Variants in DNAH11 observed in about 807,000 individuals in gnomAD.
The protein encoded by DNAH11 is dynein axonemal heavy chain 11.
A neutral mutation model predicts 526.0 loss-of-function variants in DNAH11; 442 were observed. The observed-to-expected ratio is 0.84, with a 90% confidence interval of 0.78 to 0.91. The LOEUF (loss-of-function observed/expected upper bound fraction) is 0.91, where lower values mean the gene tolerates loss of function less well. Among genes scored for constraint, DNAH11 ranks in the 40% least tolerant of loss-of-function variants. The probability of loss-of-function intolerance (pLI) is 0.00; values close to 1 mark genes in which losing one functional copy is unlikely to be tolerated. For synonymous variants in DNAH11, 2,461 were observed against 1,935.9 expected (o/e 1.27, Z -7.12); for missense variants, 6,989 against 5,448.7 (o/e 1.28, Z -8.90).
Position 21,818,308 on chromosome 7 carries a change from C to G in DNAH11, c.10660C>G (p.Leu3554Val). The G allele has an allele frequency of 6.2e-7, 1 of 1,608,710 alleles. No homozygotes were observed. Residue 3554 changes from leucine to valine, a missense_variant, in exon 65 of 82, where the codon CTA (leucine) becomes GTA (valine). Physicochemically the swap from Leu to Val is conservative, Grantham distance 32. Transcript: ENST00000409508. ...EETIDPVLDP[L>V]LGRNTIKKGK... ...AACGATAGATCCAGTCCTGGATCCA[C>G]TACTTGGCAGGAACACAATTAAAAA...
At position 21,745,956 on chromosome 7, in the gene DNAH11, A is replaced by G. The variant is rs575730351; in HGVS notation, c.8510+893A>G. Among the ~76,000 whole-genome samples the G allele has an allele frequency of 9.2e-5, 14 of 152,348 alleles. No individual in the cohort carries two copies. The South Asian group carries it at 2.9e-3, about 32-fold the overall frequency. ...AAGGCAAGAATGTTTGAGATACAGAAAAGAAGATCAGTTAGGCTGCAGCAT... is the reference window on the plus strand; with the variant it reads ...AAGGCAAGAATGTTTGAGATACAGAGAAGAAGATCAGTTAGGCTGCAGCAT... On this transcript the variant is annotated intron_variant, in intron 51 of 81. Transcript: ENST00000409508.
At chr7:21,582,110 G>C in intron 9 of DNAH11, 89 bp downstream of exon 9, 1 of 805,324 alleles carries the variant, frequency 1.2e-6, no homozygotes, top group Admixed American at 2.1e-5. Context: ...TTCAGGTAGA[G>C]TATTCACTAG....
Position 21,900,030 on chromosome 7 carries a change from C to A in DNAH11, c.13213C>A (p.Arg4405Ser). 6.2e-7 allele frequency: 1 copy of A among 1,613,922 alleles called. No individual in the cohort carries two copies. Among genetic ancestry groups the A allele is most frequent in the African/African-American group, 1.3e-5 (1 of 75,032 alleles). The change falls in exon 81 of 82, where the codon CGC becomes AGC. Residue 4405 changes from arginine (R) to serine (S), a missense_variant. Physicochemically the swap from Arg to Ser is moderately radical, Grantham distance 110 (BLOSUM62 -1). Coordinates refer to ENST00000409508, the MANE Select transcript of DNAH11 (RefSeq NM_001277115.2). ...AAATGAGTGGCCCCTGGATAAAACG[C>A]GCTTGACTGCTGATGTTACCAAAAA... is the stretch of plus-strand genomic sequence containing the variant. ...RKNEWPLDKT[R>S]LTADVTKKTK... is the part of the protein sequence containing the mutation.
intron 64 of DNAH11, among the ~76,000 whole-genome samples, chr7:21,817,575 C>A (rs533298410): frequency 6.6e-6 from 1 of 151,166 alleles, no homozygotes; most frequent in Non-Finnish European, 1.5e-5. Context: ...TACCTGTAGT[C>A]CCAGCTACTT....
intron 55 of DNAH11, among the ~76,000 whole-genome samples, chr7:21,766,444 C>T (rs1224787033): frequency 6.6e-6 from 1 of 152,136 alleles, no homozygotes; most frequent in Non-Finnish European, 1.5e-5. Flanking sequence ...CTGAAAGTGA[C>T]TCTCAGAGGC....
At chr7:21,806,134 C>G (rs1789253126) in intron 62 of DNAH11, among the ~76,000 whole-genome samples, 1 of 152,168 alleles carries the variant, frequency 6.6e-6, no homozygotes, top group Admixed American at 6.5e-5. Flanking sequence ...CTCTTAAACC[C>G]TTGTTAGCCA....
At chr7:21,862,853 A>G (rs1480903274) in intron 69 of DNAH11, among the ~76,000 whole-genome samples, 1 of 152,114 alleles carries the variant, frequency 6.6e-6, no homozygotes, top group African/African-American at 2.4e-5. Flanking sequence ...TCACCAGGTC[A>G]GGAGATTGAG....
Position 21,705,463 on chromosome 7 carries a change from G to A in DNAH11, c.6472G>A (p.Val2158Ile). The change falls in exon 39 of 82, where the codon GTC becomes ATC. Residue 2158 changes from valine (V) to isoleucine (I), a missense_variant. Physicochemically the swap from Val to Ile is conservative, Grantham distance 29 (BLOSUM62 3). Coordinates refer to ENST00000409508, the MANE Select transcript of DNAH11 (RefSeq NM_001277115.2). ...QPEESFILKVVQLEELLAVRH... is the reference protein window; with the variant it reads ...QPEESFILKVIQLEELLAVRH... ...CAACCAGCTGTTTGCTCTGCAGGTT[G>A]TCCAGCTTGAGGAACTGTTGGCTGT... is the stretch of plus-strand genomic sequence containing the variant. 1.9e-6 allele frequency: 3 copies of A among 1,613,676 alleles called. No individual in the cohort carries two copies. The highest frequency in any genetic ancestry group is 2.5e-6 in the Non-Finnish European group (3 of 1,179,680).
chr7:21,560,410 A>C (rs992886692), intron 4 of DNAH11, among the ~76,000 whole-genome samples: 5 of 152,192 alleles, frequency 3.3e-5, no homozygotes, highest in Non-Finnish European at 7.3e-5. Flanking sequence ...TCTGTAGTTG[A>C]GGAGCAAGGG....
chr7:21,901,139 C>G lies in DNAH11; in HGVS notation c.13436C>G (p.Pro4479Arg). Reference sequence around the variant, plus strand: ...GAAACCAAACAGACCTACGAGTGCCCTGTGTATAGAACCAAACTGAGAGGC... The same window carrying G: ...GAAACCAAACAGACCTACGAGTGCCGTGTGTATAGAACCAAACTGAGAGGC... ...RQETKQTYEC[P>R]VYRTKLRGPS... The change falls in exon 82 of 82, where the codon CCT (proline) becomes CGT (arginine). Residue 4479 changes from proline (P) to arginine (R), a missense_variant. Transcript: ENST00000409508. 1.2e-6 allele frequency: 2 copies of G among 1,613,264 alleles called. No individual in the cohort carries two copies. The highest frequency in any genetic ancestry group is 1.7e-6 in the Non-Finnish European group (2 of 1,179,370).
At position 21,543,655 on chromosome 7, in the gene DNAH11, C is replaced by A; in HGVS notation, c.351+59C>A. 8 of 1,502,510 alleles carry A rather than the reference C, an allele frequency of 5.3e-6. No homozygotes were observed. In the South Asian group the frequency reaches 8.7e-5, roughly 16 times the overall value. The allele number at this position is 1,502,510 out of a possible 1,614,324, so 93.1% of individuals were successfully genotyped here. A position where few individuals can be genotyped will look rare whatever the true frequency, so the allele number is the denominator to read the frequency against. ...CAACAAAACTACCCAGGGGAGACAG[C>A]CCAGTCGCTCCCCTTTGGATTCCCG... On this transcript the variant is annotated intron_variant, in intron 1 of 81. Coordinates refer to ENST00000409508, the MANE Select transcript of DNAH11 (RefSeq NM_001277115.2).
At chr7:21,730,342 G>A (rs1480427511) in intron 45 of DNAH11, among the ~76,000 whole-genome samples, 2 of 152,226 alleles carry the variant, frequency 1.3e-5, no homozygotes, top group African/African-American at 4.8e-5. Flanking sequence ...AAAACTTGGA[G>A]GACTGGCATG....
intron 6 of DNAH11, among the ~76,000 whole-genome samples, chr7:21,565,216 G>A (rs182599362): frequency 9.2e-4 from 140 of 152,256 alleles, no homozygotes; most frequent in Admixed American, 9.2e-3. Context: ...TTCCTGGCTT[G>A]CTGATGGCTG....
At chr7:21,668,069 C>A (rs1562740792) in intron 30 of DNAH11, among the ~76,000 whole-genome samples, 1 of 152,104 alleles carries the variant, frequency 6.6e-6, no homozygotes, top group African/African-American at 2.4e-5. Flanking sequence ...TTCTAATATA[C>A]TTGATAGAAA....
chr7:21,868,888 ACT>A lies in DNAH11; in HGVS notation c.11867_11868del (p.Ser3956TrpfsTer50). ...GGCAAAAGACTTGGCTTTACAATTG[ACT>A]CTGGAAAATTCCACAATGTGTCTTT... On this transcript the variant is annotated frameshift_variant, in exon 73 of 82. Coordinates refer to ENST00000409508, the MANE Select transcript of DNAH11 (RefSeq NM_001277115.2). LOFTEE classifies it high-confidence loss of function. 2.5e-6 allele frequency: 4 copies of A among 1,613,922 alleles called. No individual in the cohort carries two copies. The highest frequency in any genetic ancestry group is 3.4e-6 in the Non-Finnish European group (4 of 1,179,866).
intron 2 of DNAH11, among the ~76,000 whole-genome samples, chr7:21,545,988 C>T (rs1348560520): frequency 6.6e-6 from 1 of 152,194 alleles, no homozygotes; most frequent in Non-Finnish European, 1.5e-5. Flanking sequence ...AGCCAAGTAG[C>T]AGCAGTTGTT....
rs370412080 is a variant in DNAH11, at chr7:21,606,620, T to TC, written c.3766-27_3766-26insC. 9.1e-6 allele frequency: 13 copies of TC among 1,434,726 alleles called. No individual in the cohort carries two copies. In the African/African-American group the frequency reaches 1.0e-4, roughly 11 times the overall value. 88.9% of individuals were successfully genotyped at this position (1,434,726 alleles called of 1,614,324 possible). A position where few individuals can be genotyped will look rare whatever the true frequency, so the allele number is the denominator to read the frequency against. ...AAGTATTTGTTTGAAATTCACTTTTTTTTTTTTTTTTTTTTGCAATGATCA... is the reference window on the plus strand; with the variant it reads ...AAGTATTTGTTTGAAATTCACTTTTTCTTTTTTTTTTTTTTTGCAATGATCA... On this transcript the variant is annotated intron_variant, in intron 19 of 81. Coordinates refer to ENST00000409508, the MANE Select transcript of DNAH11 (RefSeq NM_001277115.2).
intron 9 of DNAH11, 31 bp downstream of exon 9, chr7:21,582,052 G>A (rs759979632): frequency 5.6e-6 from 8 of 1,420,596 alleles, no homozygotes; most frequent in Middle Eastern, 2.0e-4. Flanking sequence ...CATAAAAAAC[G>A]TTTACTATGA....
At chr7:21,716,207 A>G (rs1784655737) in intron 42 of DNAH11, among the ~76,000 whole-genome samples, 3 of 152,166 alleles carry the variant, frequency 2.0e-5, no homozygotes, top group Admixed American at 1.3e-4. Context: ...TATATCCACC[A>G]GAATCCAGGA....
Sources: allele counts gnomAD v4.1 joint callset (sites outside exome capture counted in the v4.1 genomes callset), GRCh38; gene constraint gnomAD v4.1.1; transcripts MANE v1.5; gene names NCBI Gene and HGNC (gene_info 2026-07-23, HGNC 2026-07-21).